The following SH3BP4 variants were observed in gnomAD, a reference collection of about 807,000 sequenced individuals.
SH3BP4 encodes the protein SH3 domain binding protein 4.
Under a neutral mutation model 65.5 loss-of-function variants are expected in SH3BP4, and 33 were observed. The observed-to-expected ratio is 0.50, with a 90% CI of 0.38 to 0.67. The LOEUF is 0.67. Among genes scored for constraint, SH3BP4 ranks in the 30% least tolerant of loss-of-function variants. The pLI is 0.00. For missense variants in SH3BP4, 1,134 were observed against 1,261.4 expected, an observed-to-expected ratio of 0.90 and a Z score of 1.53; for synonymous variants, 552 against 545.5, an observed-to-expected ratio of 1.01 and a Z score of -0.17.
chr2:235,043,215 G>A lies in SH3BP4; in HGVS notation c.2446G>A (p.Glu816Lys), dbSNP rs1229458812. 12 of 1,586,822 alleles carry A rather than the reference G, an allele frequency of 7.6e-6. No homozygotes were observed. Among genetic ancestry groups the A allele is most frequent in the Non-Finnish European group, 1.0e-5 (12 of 1,162,682 alleles). The part of the protein sequence containing the change: ...KEDCNNTENK[E>K]RKSFQKELVM... ...GGACTGTAACAACACTGAGAACAAA[G>A]AACGGAAGTCCTTCCAGAAGGAGCT... is the stretch of plus-strand genomic sequence containing the variant. Residue 816 changes from glutamate to lysine, a missense_variant, in exon 4 of 6, where the codon GAA (glutamate) becomes AAA (lysine). Transcript: ENST00000392011.
At chr2:234,961,830 A>G (rs1692721309) in intron 1 of SH3BP4, among the ~76,000 whole-genome samples, 4 of 131,512 alleles carry the variant, frequency 3.0e-5, no homozygotes, top group Non-Finnish European at 6.1e-5. Context: ...GGGCTCATCC[A>G]TGCCAACTTT....
Position 235,054,831 on chromosome 2 carries a change from C to T in SH3BP4, c.*1015C>T, listed in dbSNP as rs1185858633. 1 of 152,180 alleles carries T rather than the reference C, an allele frequency of 6.6e-6. No homozygotes were observed. The highest frequency in any genetic ancestry group is 2.4e-5 in the African/African-American group (1 of 41,434). 9.4% of individuals were successfully genotyped at this position (152,180 alleles called of 1,614,324 possible). Reference sequence around the variant, plus strand: ...GCTGTGGTTGGCCTCACAAGCAACGCCTTATGCTGATGTGCAGAGGTGCCA... The same window carrying T: ...GCTGTGGTTGGCCTCACAAGCAACGTCTTATGCTGATGTGCAGAGGTGCCA... On this transcript the variant is annotated 3_prime_UTR_variant, in exon 6 of 6. Coordinates refer to ENST00000392011, the MANE Select transcript of SH3BP4 (RefSeq NM_014521.3).
In SH3BP4 at chr2:234,976,560, C is replaced by T. The variant is rs1231202707; in HGVS notation, c.-206-18743C>T. ...AATACAGAAGCCGATGTTTACCCGC[C>T]TCTGGTAGCGGACATAGGGGCATCT... is the stretch of plus-strand genomic sequence containing the variant. On this transcript the variant is annotated intron_variant, in intron 1 of 5. Coordinates refer to ENST00000392011, the MANE Select transcript of SH3BP4 (RefSeq NM_014521.3). The surrounding 1 kb of genome is among the most constrained non-coding windows in gnomAD (Gnocchi z 4.7). Among the ~76,000 whole-genome samples the T allele has an allele frequency of 6.6e-6, 1 of 152,104 alleles. No individual in the cohort carries two copies. Among genetic ancestry groups the T allele is most frequent in the Non-Finnish European group, 1.5e-5 (1 of 68,034 alleles).
chr2:235,042,691 C>A lies in SH3BP4; in HGVS notation c.1922C>A (p.Thr641Asn). ...AAAATCATCCTGTCCCCGTTTGCCACCACTACAAAGTACCCGACTTTCCAG... is the reference window on the plus strand; with the variant it reads ...AAAATCATCCTGTCCCCGTTTGCCAACACTACAAAGTACCCGACTTTCCAG... ...VGKIILSPFATTTKYPTFQDR... is the reference protein window; with the variant it reads ...VGKIILSPFANTTKYPTFQDR... The change falls in exon 4 of 6, where the codon ACC becomes AAC. Residue 641 changes from threonine (T) to asparagine (N), a missense_variant. Coordinates refer to ENST00000392011, the MANE Select transcript of SH3BP4 (RefSeq NM_014521.3). This position sits in a 1 kb window ranked among gnomAD's most constrained non-coding sequence, Gnocchi z 7.3. 2.5e-6 allele frequency: 4 copies of A among 1,614,210 alleles called. No individual in the cohort carries two copies. Among genetic ancestry groups the A allele is most frequent in the Non-Finnish European group, 3.4e-6 (4 of 1,180,044 alleles).
intron 1 of SH3BP4, among the ~76,000 whole-genome samples, chr2:234,970,909 G>A (rs1692981826): frequency 6.6e-6 from 1 of 152,206 alleles, no homozygotes; most frequent in East Asian, 1.9e-4. Context: ...AAAGAAGGTA[G>A]ATGTGGGGAT....
In SH3BP4 at chr2:235,042,901, T is replaced by C. The variant is rs765898306; in HGVS notation, c.2132T>C (p.Val711Ala). 1.9e-6 allele frequency: 3 copies of C among 1,613,182 alleles called. No individual in the cohort carries two copies. The highest frequency in any genetic ancestry group is 2.5e-6 in the Non-Finnish European group (3 of 1,179,938). ...EWYIGYYQGRVGLVHTKNVLV... is the reference protein window; with the variant it reads ...EWYIGYYQGRAGLVHTKNVLV... Reference sequence around the variant, plus strand: ...TACATCGGCTACTACCAGGGCAGGGTGGGCCTCGTGCACACCAAGAACGTG... The same window carrying C: ...TACATCGGCTACTACCAGGGCAGGGCGGGCCTCGTGCACACCAAGAACGTG... Residue 711 changes from valine to alanine, a missense_variant, in exon 4 of 6, where the codon GTG (valine) becomes GCG (alanine). Val to Ala is a moderately conservative substitution (Grantham distance 64). Coordinates refer to ENST00000392011, the MANE Select transcript of SH3BP4 (RefSeq NM_014521.3). This position sits in a 1 kb window ranked among gnomAD's most constrained non-coding sequence, Gnocchi z 7.3.
At chr2:234,993,238 G>A (rs982519314) in intron 1 of SH3BP4, among the ~76,000 whole-genome samples, 1 of 152,228 alleles carries the variant, frequency 6.6e-6, no homozygotes, top group Non-Finnish European at 1.5e-5. Context: ...TTCTCTTGGG[G>A]TGATCCGTTC....
At chr2:234,964,600 G>A (rs193151224) in intron 1 of SH3BP4, among the ~76,000 whole-genome samples, 162 of 152,214 alleles carry the variant, frequency 1.1e-3, no homozygotes, top group African/African-American at 3.8e-3. Flanking sequence ...TGAAGAATGA[G>A]CAGGCCAGGA....
Position 234,973,564 on chromosome 2 carries a change from C to T in SH3BP4, c.-207+21394C>T, listed in dbSNP as rs58355116. On this transcript the variant is annotated intron_variant, in intron 1 of 5. Transcript: ENST00000392011. ...TTTGACTTTCTGAGGCAGTCGTATG[C>T]AATACGTACCCCCCTGAACAGACAG... Among the ~76,000 whole-genome samples, 503 of 152,264 alleles carry T rather than the reference C, an allele frequency of 3.3e-3. 5 individuals carry two copies. The highest frequency in any genetic ancestry group is 0.02 in the East Asian group (104 of 5,180).
rs1695318331 is a variant in SH3BP4 at position 235,034,754 on chromosome 2, G to A, written c.-132-117G>A. The A allele has an allele frequency of 2.1e-6, 1 of 473,774 alleles. No homozygotes were observed. 29.3% of individuals were successfully genotyped at this position (473,774 alleles called of 1,614,324 possible). On this transcript the variant is annotated intron_variant, in intron 2 of 5. Transcript: ENST00000392011. The surrounding 1 kb of genome is among the most constrained non-coding windows in gnomAD (Gnocchi z 6.2). Reference sequence around the variant, plus strand: ...TCTGTTGGGCCAGGAAAGATGAAATGGGTCTGTCCTCATTAGAACAGCCTG... The same window carrying A: ...TCTGTTGGGCCAGGAAAGATGAAATAGGTCTGTCCTCATTAGAACAGCCTG...
rs1004278390 is a variant in SH3BP4, at chr2:234,974,086, C to G, written c.-206-21217C>G. Among the ~76,000 whole-genome samples, 2 of 152,200 alleles carry G rather than the reference C, an allele frequency of 1.3e-5. No homozygotes were observed. The highest frequency in any genetic ancestry group is 2.9e-5 in the Non-Finnish European group (2 of 68,028). On this transcript the variant is annotated intron_variant, in intron 1 of 5. Coordinates refer to ENST00000392011, the MANE Select transcript of SH3BP4 (RefSeq NM_014521.3). This position sits in a 1 kb window ranked among gnomAD's most constrained non-coding sequence, Gnocchi z 4.6. ...AACTCATTTAGCGATTTGTGAAGGACCTGGCGCAGTGGCTCACCCCTGTAA... is the reference window on the plus strand; with the variant it reads ...AACTCATTTAGCGATTTGTGAAGGAGCTGGCGCAGTGGCTCACCCCTGTAA...
chr2:234,997,888 C>T lies in SH3BP4; in HGVS notation c.-133+2512C>T, dbSNP rs1231120311. Among the ~76,000 whole-genome samples, 3 of 152,094 alleles carry T rather than the reference C, an allele frequency of 2.0e-5. No homozygotes were observed. Among genetic ancestry groups the T allele is most frequent in the East Asian group, 3.9e-4 (2 of 5,154 alleles). On this transcript the variant is annotated intron_variant, in intron 2 of 5. Transcript: ENST00000392011. This position sits in a 1 kb window ranked among gnomAD's most constrained non-coding sequence, Gnocchi z 4.2. ...CTGTAATCCCAGCACTTTGGGAGGCCGAGGTGGGCGGATCACGAGATCAGG... is the reference window on the plus strand; with the variant it reads ...CTGTAATCCCAGCACTTTGGGAGGCTGAGGTGGGCGGATCACGAGATCAGG...
At position 235,029,508 on chromosome 2, in the gene SH3BP4, C is replaced by T. The variant is rs552796708; in HGVS notation, c.-132-5363C>T. ...TGCCTGGGCATTTGAGTTGGTGGCTCCTTAGCAGTTTTCCTAGCCAAGGGG... is the reference window on the plus strand; with the variant it reads ...TGCCTGGGCATTTGAGTTGGTGGCTTCTTAGCAGTTTTCCTAGCCAAGGGG... On this transcript the variant is annotated intron_variant, in intron 2 of 5. Coordinates refer to ENST00000392011, the MANE Select transcript of SH3BP4 (RefSeq NM_014521.3). Among the ~76,000 whole-genome samples the T allele has an allele frequency of 4.6e-5, 7 of 152,282 alleles. No individual in the cohort carries two copies. In the East Asian group the frequency reaches 1.4e-3, roughly 29 times the overall value.
intron 1 of SH3BP4, among the ~76,000 whole-genome samples, chr2:234,986,809 A>ATTTTT (rs59337610): frequency 7.5e-6 from 1 of 133,326 alleles, no homozygotes; most frequent in African/African-American, 2.7e-5. Context: ...TAATGATTTT[A>ATTTTT]TTTTTTTTTT....
chr2:235,045,331 A>G lies in SH3BP4; in HGVS notation c.2478+2084A>G, dbSNP rs1255220761. On this transcript the variant is annotated intron_variant, in intron 4 of 5. Coordinates refer to ENST00000392011, the MANE Select transcript of SH3BP4 (RefSeq NM_014521.3). The surrounding 1 kb of genome is among the most constrained non-coding windows in gnomAD (Gnocchi z 4.3). ...AGGAGTACCACACCAGCTGTGGAAA[A>G]TAACCGCCGAGTAGGTGGCTTTTAC... is the stretch of plus-strand genomic sequence containing the variant. 6.6e-6 allele frequency among the ~76,000 whole-genome samples: 1 copy of G among 152,232 alleles called. No homozygotes were observed. The highest frequency in any genetic ancestry group is 1.5e-5 in the Non-Finnish European group (1 of 68,042).
chr2:234,960,139 A>G (rs1369054517), intron 1 of SH3BP4, among the ~76,000 whole-genome samples: 2 of 152,230 alleles, frequency 1.3e-5, no homozygotes, highest in African/African-American at 4.8e-5. Context: ...ACTGAAAATA[A>G]TGATTGGAGC....
At chr2:234,985,910 C>T (rs1198259278) in intron 1 of SH3BP4, among the ~76,000 whole-genome samples, 2 of 151,906 alleles carry the variant, frequency 1.3e-5, no homozygotes, top group Non-Finnish European at 2.9e-5. Flanking sequence ...CGACACACAC[C>T]TACGAGAACA....
intron 1 of SH3BP4, among the ~76,000 whole-genome samples, chr2:234,955,624 C>G (rs998585213): frequency 3.3e-5 from 5 of 152,096 alleles, no homozygotes; most frequent in African/African-American, 1.2e-4. Context: ...GGGTAAAATC[C>G]CATGTAGAAC....
chr2:234,997,890 A>T lies in SH3BP4; in HGVS notation c.-133+2514A>T, dbSNP rs758523216. 6.6e-6 allele frequency among the ~76,000 whole-genome samples: 1 copy of T among 152,168 alleles called. No individual in the cohort carries two copies. Among genetic ancestry groups the T allele is most frequent in the Non-Finnish European group, 1.5e-5 (1 of 68,022 alleles). ...GTAATCCCAGCACTTTGGGAGGCCG[A>T]GGTGGGCGGATCACGAGATCAGGAG... On this transcript the variant is annotated intron_variant, in intron 2 of 5. Coordinates refer to ENST00000392011, the MANE Select transcript of SH3BP4 (RefSeq NM_014521.3). This position sits in a 1 kb window ranked among gnomAD's most constrained non-coding sequence, Gnocchi z 4.2.
Sources: gnomAD v4.1 joint callset for allele counts (sites outside exome capture counted in the v4.1 genomes callset) on GRCh38, gnomAD v4.1.1 for gene constraint, Gnocchi (gnomAD v3.1) non-coding constraint, MANE v1.5 for transcripts, NCBI Gene and HGNC (gene_info 2026-07-23, HGNC 2026-07-21) for gene names.